Variants in RTTN observed in about 807,000 individuals in gnomAD.
RTTN encodes the protein rotatin.
RTTN carries 182 observed loss-of-function variants against 269.2 expected under a neutral mutation model. The ratio of observed to expected loss-of-function variants is 0.68; its 90% CI spans 0.60 to 0.76. The LOEUF is 0.76. Among genes scored for constraint, RTTN ranks in the 30% least tolerant of loss-of-function variants. The pLI, the probability that RTTN is intolerant of heterozygous loss-of-function variation, is 0.00. For missense variants in RTTN, 2,545 were observed against 2,608.6 expected (o/e 0.98, Z 0.53); for synonymous variants, 1,006 against 963.5 (o/e 1.04, Z -0.82).
At chr18:70,030,808 C>A in intron 41 of RTTN, 68 bp downstream of exon 41, 1 of 1,183,954 alleles carries the variant, frequency 8.4e-7, no homozygotes, top group Non-Finnish European at 1.2e-6. Flanking sequence ...AGAAAATTAA[C>A]TTGAACAAGC....
chr18:70,052,272 G>C (rs1306089425), intron 38 of RTTN, among the ~76,000 whole-genome samples: 1 of 152,150 alleles, frequency 6.6e-6, no homozygotes, highest in Non-Finnish European at 1.5e-5. Context: ...GATCCATCTA[G>C]GTGTACTTCA....
At chr18:70,049,374 TAATC>T (rs1416109294) in intron 39 of RTTN, among the ~76,000 whole-genome samples, 1 of 152,170 alleles carries the variant, frequency 6.6e-6, no homozygotes, top group Non-Finnish European at 1.5e-5. Flanking sequence ...CCCAATGTCT[TAATC>T]AGTCAATCTC....
chr18:70,196,121 A>G (rs958559743), intron 7 of RTTN, among the ~76,000 whole-genome samples: 17 of 152,228 alleles, frequency 1.1e-4, no homozygotes, highest in Non-Finnish European at 2.4e-4. Context: ...AATTCAAATC[A>G]ATATTTTTCA....
intron 28 of RTTN, among the ~76,000 whole-genome samples, chr18:70,103,762 CAA>C (rs71178846): frequency 2.5e-5 from 3 of 118,032 alleles, no homozygotes; most frequent in Non-Finnish European, 1.7e-5. Flanking sequence ...ATAAATACTT[CAA>C]AAAAAAAAAA....
rs1297842558 is a variant in RTTN at position 70,150,804 on chromosome 18, T to G, written c.1930-71A>C. ...TTTTCCAAAAGATCCATCTTTCTTC[T>G]GTTTACAATCCCATTTCTATTTTAG... On this transcript the variant is annotated intron_variant, in intron 14 of 48. Transcript: ENST00000640769. The G allele has an allele frequency of 3.2e-6, 4 of 1,258,878 alleles. No homozygotes were observed. In the Admixed American group the frequency reaches 6.9e-5, roughly 22 times the overall value. The allele number at this position is 1,258,878 out of a possible 1,614,324, so 78.0% of individuals were successfully genotyped here.
Position 70,024,812 on chromosome 18 carries a change from G to A in RTTN, c.5860C>T (p.His1954Tyr). The change falls in exon 44 of 49, where the codon CAC becomes TAC. Residue 1954 changes from histidine (H) to tyrosine (Y), a missense_variant. Transcript: ENST00000640769. The part of the protein sequence containing the change: ...ALEAHLVPVL[H>Y]SLWPWILMDD... ...ATCAAAATCCAAGGCCAGAGAGAGTGCAAGACAGGGACAAGGTGAGCTTCA... is the reference window on the plus strand; with the variant it reads ...ATCAAAATCCAAGGCCAGAGAGAGTACAAGACAGGGACAAGGTGAGCTTCA... The A allele has an allele frequency of 6.2e-7, 1 of 1,613,774 alleles. No homozygotes were observed. The highest frequency in any genetic ancestry group is 1.7e-5 in the Admixed American group (1 of 60,010).
Position 70,020,730 on chromosome 18 carries a change from C to A in RTTN, c.6038G>T (p.Cys2013Phe), listed in dbSNP as rs145976466. ...RGAVSNSLML[C>F]ILKLASQMPL... is the part of the protein sequence containing the mutation. ...CATCTGGGAAGCCAACTTTAGGATA[C>A]ACAGCATCAGAGAGTTGCTCACGGC... The change falls in exon 45 of 49, where the codon TGT (cysteine) becomes TTT (phenylalanine). Residue 2013 changes from cysteine to phenylalanine, a missense_variant. Cys to Phe is a radical substitution (Grantham distance 205). Coordinates refer to ENST00000640769, the MANE Select transcript of RTTN (RefSeq NM_173630.4). 12,409 of 1,614,080 alleles carry A rather than the reference C, an allele frequency of 7.7e-3. 80 individuals carry two copies. The highest frequency in any genetic ancestry group is 0.02 in the Middle Eastern group (120 of 6,062).
intron 40 of RTTN, among the ~76,000 whole-genome samples, chr18:70,040,564 C>A (rs2057310173): frequency 6.6e-6 from 1 of 152,164 alleles, no homozygotes; most frequent in South Asian, 2.1e-4. Flanking sequence ...ACAGACAGAT[C>A]TTCCAGAAAG....
At chr18:70,123,457 G>GT (rs1264675703) in intron 25 of RTTN, among the ~76,000 whole-genome samples, 1 of 152,014 alleles carries the variant, frequency 6.6e-6, no homozygotes, top group Non-Finnish European at 1.5e-5. Context: ...CTGGAATTTT[G>GT]TAACCTCTCA....
intron 31 of RTTN, among the ~76,000 whole-genome samples, chr18:70,087,476 T>C (rs1276522755): frequency 6.6e-6 from 1 of 152,174 alleles, no homozygotes; most frequent in East Asian, 1.9e-4. Context: ...GCTGTTTTTT[T>C]TCATAAGCCT....
chr18:70,185,669 G>A (rs1368371606), intron 10 of RTTN, among the ~76,000 whole-genome samples: 1 of 152,008 alleles, frequency 6.6e-6, no homozygotes, highest in African/African-American at 2.4e-5. Flanking sequence ...AGAGTGAATA[G>A]AAAGAAATAA....
At chr18:70,033,710 AAAT>A (rs3061012) in intron 40 of RTTN, among the ~76,000 whole-genome samples, 1,946 of 152,294 alleles carry the variant, frequency 0.013, 38 homozygotes, top group African/African-American at 0.045. Flanking sequence ...AGAACACAAG[AAAT>A]AATCAGAATC....
At chr18:70,130,876 C>T (rs1165583145) in intron 23 of RTTN, 2 of 151,794 alleles carry the variant, frequency 1.3e-5, no homozygotes, top group Non-Finnish European at 2.9e-5. Context: ...ACATTGTATG[C>T]TTATATCAAA....
At position 70,051,497 on chromosome 18, in the gene RTTN, A is replaced by T; in HGVS notation, c.5237T>A (p.Leu1746His). 3.1e-6 allele frequency: 5 copies of T among 1,612,882 alleles called. No homozygotes were observed. The highest frequency in any genetic ancestry group is 4.2e-6 in the Non-Finnish European group (5 of 1,178,852). The change falls in exon 39 of 49, where the codon CTT (leucine) becomes CAT (histidine). Residue 1746 changes from leucine to histidine, a missense_variant. Physicochemically the swap from Leu to His is moderately conservative, Grantham distance 99. Coordinates refer to ENST00000640769, the MANE Select transcript of RTTN (RefSeq NM_173630.4). ...AGCTTTCCTCAGGAGCATGGCCAGAAGATTAAATAAATGTGTCCATGTGTG... is the reference window on the plus strand; with the variant it reads ...AGCTTTCCTCAGGAGCATGGCCAGATGATTAAATAAATGTGTCCATGTGTG... ...FYHTWTHLFNLLAMLLRKAGA... is the reference protein window; with the variant it reads ...FYHTWTHLFNHLAMLLRKAGA...
chr18:70,127,210 G>C (rs1396322400), intron 25 of RTTN, among the ~76,000 whole-genome samples: 1 of 152,152 alleles, frequency 6.6e-6, no homozygotes, highest in Non-Finnish European at 1.5e-5. Flanking sequence ...AACATGGATA[G>C]AAATAAACAT....
intron 5 of RTTN, 86 bp from the exon 6 acceptor site, chr18:70,197,824 C>A: frequency 3.6e-6 from 3 of 830,938 alleles, no homozygotes; most frequent in African/African-American, 1.7e-5. Flanking sequence ...ACTCCATTAA[C>A]AATCTTTTGG....
chr18:70,194,659 T>C (rs974683070), intron 7 of RTTN: 2 of 152,218 alleles, frequency 1.3e-5, no homozygotes, highest in Admixed American at 1.3e-4. Context: ...AGCTACAATG[T>C]GGATGAAGCT....
chr18:70,014,353 C>T (rs895361564), intron 46 of RTTN, among the ~76,000 whole-genome samples: 2 of 152,174 alleles, frequency 1.3e-5, no homozygotes, highest in African/African-American at 4.8e-5. Context: ...TAAACCCATG[C>T]TTTGTAATTC....
intron 11 of RTTN, among the ~76,000 whole-genome samples, chr18:70,175,145 T>C (rs1313457343): frequency 6.6e-6 from 1 of 151,338 alleles, no homozygotes; most frequent in Non-Finnish European, 1.5e-5. Flanking sequence ...CTTGAAATTA[T>C]AAATGAATTT....
Sources: gnomAD v4.1 joint callset for allele counts (sites outside exome capture counted in the v4.1 genomes callset) on GRCh38, gnomAD v4.1.1 for gene constraint, MANE v1.5 for transcripts, NCBI Gene and HGNC (gene_info 2026-07-23, HGNC 2026-07-21) for gene names.